Variants in NANS observed in about 807,000 individuals in gnomAD.
NANS encodes the protein N-acetylneuraminate synthase.
Under a neutral mutation model 33.3 loss-of-function variants are expected in NANS, and 29 were observed. The observed-to-expected ratio is 0.87, with a 90% CI of 0.65 to 1.19. The LOEUF (loss-of-function observed/expected upper bound fraction) is 1.19, where lower values mean the gene tolerates loss of function less well. NANS is among the 50% of genes most tolerant of loss of function. The pLI, the probability that NANS is intolerant of heterozygous loss-of-function variation, is 0.00. For synonymous variants in NANS, 163 were observed against 177.2 expected, an observed-to-expected ratio of 0.92 and a Z score of 0.64; for missense variants, 394 against 461.1, an observed-to-expected ratio of 0.85 and a Z score of 1.33.
At chr9:98,080,787 A>C (rs1829818155) in intron 4 of NANS, 29 bp from the exon 5 acceptor site, 1 of 1,546,470 alleles carries the variant, frequency 6.5e-7, no homozygotes, top group Non-Finnish European at 8.7e-7. Flanking sequence ...CATGATATTT[A>C]ATGTTATTTT....
intron 1 of NANS, among the ~76,000 whole-genome samples, chr9:98,059,383 A>C (rs1828912282): frequency 6.6e-6 from 1 of 151,810 alleles, no homozygotes; most frequent in Non-Finnish European, 1.5e-5. Context: ...GTGAGATGGG[A>C]CTTTAGTGGG....
intron 4 of NANS, 95 bp downstream of exon 4, chr9:98,078,442 T>C: frequency 7.0e-7 from 1 of 1,437,346 alleles, no homozygotes; most frequent in South Asian, 1.3e-5. Context: ...CATGGCATAC[T>C]TTATAATTTG....
intron 2 of NANS, among the ~76,000 whole-genome samples, chr9:98,070,276 C>T (rs1829281722): frequency 6.6e-6 from 1 of 152,054 alleles, no homozygotes; most frequent in Non-Finnish European, 1.5e-5. Context: ...TGCCACCATG[C>T]CCAGCTAATT....
chr9:98,072,925 G>A (rs1829407945), intron 2 of NANS, among the ~76,000 whole-genome samples: 1 of 152,208 alleles, frequency 6.6e-6, no homozygotes, highest in African/African-American at 2.4e-5. Flanking sequence ...CTGAGGAAAG[G>A]TTAAGGTGTG....
chr9:98,080,655 A>G (rs1027096633), intron 4 of NANS, among the ~76,000 whole-genome samples, 161 bp from the exon 5 acceptor site: 2 of 152,256 alleles, frequency 1.3e-5, no homozygotes, highest in Admixed American at 1.3e-4. Context: ...AGGTATTATT[A>G]TCATCCCTAG....
Position 98,080,809 on chromosome 9 carries a change from T to C in NANS, c.604-7T>C. On this transcript the variant is annotated splice_polypyrimidine_tract_variant and splice_region_variant and intron_variant, in intron 4 of 5. Coordinates refer to ENST00000210444, the MANE Select transcript of NANS (RefSeq NM_018946.4). ...TTTAATGTTATTTTTCTTTTTCCAT[T>C]TTAAAGGAATATCAGAAGCTCTTTC... The C allele has an allele frequency of 6.4e-7, 1 of 1,563,056 alleles. No homozygotes were observed. The highest frequency in any genetic ancestry group is 8.7e-7 in the Non-Finnish European group (1 of 1,152,140).
At chr9:98,077,884 A>G (rs1200364350) in intron 3 of NANS, among the ~76,000 whole-genome samples, 1 of 152,226 alleles carries the variant, frequency 6.6e-6, no homozygotes, top group African/African-American at 2.4e-5. Flanking sequence ...CTGTACTGCC[A>G]TGGTATACAA....
chr9:98,060,796 T>C lies in NANS; in HGVS notation c.147T>C (p.Asp49=), dbSNP rs1388311449. The C allele has an allele frequency of 1.2e-6, 2 of 1,614,002 alleles. No individual in the cohort carries two copies. Among genetic ancestry groups the C allele is most frequent in the East Asian group, 2.2e-5 (1 of 44,904 alleles). The stretch of plus-strand genomic sequence containing the variant: ...GTGTGTTGTAGGAGTGTGGGGCTGA[T>C]TGTGCTAAGTTCCAGAAGAGTGAGC... ...MIRMAKECGA[D]CAKFQKSELE... is the part of the protein sequence containing the mutation. The change falls in exon 2 of 6, where the codon GAT becomes GAC. Residue 49 remains aspartate, a synonymous_variant. Coordinates refer to ENST00000210444, the MANE Select transcript of NANS (RefSeq NM_018946.4).
intron 1 of NANS, among the ~76,000 whole-genome samples, chr9:98,059,300 G>A (rs1828909396): frequency 6.6e-6 from 1 of 152,336 alleles, no homozygotes; most frequent in Admixed American, 6.5e-5. Context: ...TGGGATTACA[G>A]GTGTGAGCCA....
intron 2 of NANS, among the ~76,000 whole-genome samples, chr9:98,070,845 C>A (rs1200839551): frequency 6.7e-6 from 1 of 149,948 alleles, no homozygotes; most frequent in African/African-American, 2.5e-5. Context: ...CACTCTGTTG[C>A]CCAGGCTGGA....
At chr9:98,064,205 G>A (rs73492778) in intron 2 of NANS, among the ~76,000 whole-genome samples, 6,558 of 152,080 alleles carry the variant, frequency 0.043, 432 homozygotes, top group African/African-American at 0.14. Flanking sequence ...CACAGCATTC[G>A]TACGCATGAC....
At chr9:98,070,637 C>T (rs1304058577) in intron 2 of NANS, among the ~76,000 whole-genome samples, 1 of 151,986 alleles carries the variant, frequency 6.6e-6, no homozygotes, top group Non-Finnish European at 1.5e-5. Flanking sequence ...CCAGGCTGGT[C>T]TCAAACTCCC....
At chr9:98,062,162 G>A (rs1744117910) in intron 2 of NANS, among the ~76,000 whole-genome samples, 1 of 151,314 alleles carries the variant, frequency 6.6e-6, no homozygotes, top group African/African-American at 2.4e-5. Flanking sequence ...GCCATGACTG[G>A]ACCACAGCAC....
At chr9:98,059,846 C>G (rs1828926954) in intron 1 of NANS, among the ~76,000 whole-genome samples, 1 of 151,986 alleles carries the variant, frequency 6.6e-6, no homozygotes, top group African/African-American at 2.4e-5. Flanking sequence ...AACATGTAAC[C>G]TGTTCAAAGA....
chr9:98,080,790 GTTAT>G (rs764300053), intron 4 of NANS, 22 bp from the exon 5 acceptor site: 12 of 1,548,970 alleles, frequency 7.7e-6, no homozygotes, highest in Non-Finnish European at 8.7e-6. Context: ...GATATTTAAT[GTTAT>G]TTTTCTTTTT....
chr9:98,060,664 C>T (rs1487708828), intron 1 of NANS, 118 bp from the exon 2 acceptor site: 11 of 1,024,488 alleles, frequency 1.1e-5, no homozygotes, highest in Non-Finnish European at 1.5e-5. Context: ...GAGCGAAACT[C>T]TGTCTCTAAA....
At chr9:98,062,670 C>T (rs1829016637) in intron 2 of NANS, among the ~76,000 whole-genome samples, 1 of 151,966 alleles carries the variant, frequency 6.6e-6, no homozygotes, top group Non-Finnish European at 1.5e-5. Flanking sequence ...CAAACTTTTA[C>T]CCCACCTTAT....
intron 2 of NANS, among the ~76,000 whole-genome samples, chr9:98,062,680 T>C (rs1829016902): frequency 6.6e-6 from 1 of 151,984 alleles, no homozygotes; most frequent in African/African-American, 2.4e-5. Context: ...CCCCACCTTA[T>C]GCTTAAAGAT....
At chr9:98,058,887 G>A (rs975565301) in intron 1 of NANS, among the ~76,000 whole-genome samples, 7 of 152,180 alleles carry the variant, frequency 4.6e-5, no homozygotes, top group Admixed American at 3.9e-4. Flanking sequence ...TAGACAATGA[G>A]AGCTCTGTTG....
Sources: allele counts gnomAD v4.1 joint callset (sites outside exome capture counted in the v4.1 genomes callset), GRCh38; gene constraint gnomAD v4.1.1; transcripts MANE v1.5; gene names NCBI Gene and HGNC (gene_info 2026-07-23, HGNC 2026-07-21).